Variants in CNGB3 observed in about 807,000 individuals in gnomAD.
CNGB3 encodes cyclic nucleotide-gated channel beta-3.
CNGB3 carries 86 observed loss-of-function variants against 92.8 expected under a neutral mutation model. The observed-to-expected ratio is 0.93, with a 90% CI of 0.78 to 1.11. The LOEUF (loss-of-function observed/expected upper bound fraction) is 1.11. CNGB3 is among the 50% of genes least tolerant of loss of function. CNGB3 has a pLI of 0.00. For missense variants in CNGB3, 1,026 were observed against 956.8 expected, an observed-to-expected ratio of 1.07 and a Z score of -0.95; for synonymous variants, 333 against 332.7, an observed-to-expected ratio of 1.00 and a Z score of -0.01.
At chr8:86,668,634 A>C (rs187885520) in intron 4 of CNGB3, among the ~76,000 whole-genome samples, 60 of 152,192 alleles carry the variant, frequency 3.9e-4, no homozygotes, top group Admixed American at 3.7e-3. Flanking sequence ...AAAATACGTC[A>C]ATGTAAAAAA....
intron 15 of CNGB3, among the ~76,000 whole-genome samples, chr8:86,599,385 G>A (rs1822243458): frequency 1.3e-5 from 2 of 152,168 alleles, no homozygotes; most frequent in Non-Finnish European, 2.9e-5. Context: ...GAGCTTGTGT[G>A]TTTGAACAAT....
At chr8:86,679,816 G>A (rs992147647) in intron 3 of CNGB3, among the ~76,000 whole-genome samples, 10 of 152,126 alleles carry the variant, frequency 6.6e-5, no homozygotes, top group Admixed American at 2.6e-4. Context: ...ATGAGCCACC[G>A]CGTCTGGCCA....
intron 3 of CNGB3, among the ~76,000 whole-genome samples, chr8:86,674,790 C>T (rs1823932128): frequency 6.6e-6 from 1 of 151,888 alleles, no homozygotes; most frequent in Non-Finnish European, 1.5e-5. Flanking sequence ...TCTTGCTCTG[C>T]TGCCCAGGCT....
chr8:86,619,653 T>C (rs970813736), intron 13 of CNGB3, among the ~76,000 whole-genome samples: 3 of 151,700 alleles, frequency 2.0e-5, no homozygotes, highest in Non-Finnish European at 4.4e-5. Context: ...GAAAAGTGTA[T>C]GTGACTGTAG....
intron 10 of CNGB3, 45 bp from the exon 11 acceptor site, chr8:86,632,938 C>T (rs201537991): frequency 5.9e-6 from 9 of 1,520,268 alleles, no homozygotes; most frequent in Non-Finnish European, 8.2e-6. Context: ...TCTATATCAT[C>T]GAAAGACCAC....
At chr8:86,704,198 T>G (rs984829696) in intron 3 of CNGB3, 2 of 152,212 alleles carry the variant, frequency 1.3e-5, no homozygotes, top group African/African-American at 4.8e-5. Flanking sequence ...GTTATTAAAA[T>G]CATAAAGAAG....
chr8:86,605,508 G>A (rs1174984617), intron 14 of CNGB3, among the ~76,000 whole-genome samples: 1 of 152,108 alleles, frequency 6.6e-6, no homozygotes, highest in East Asian at 1.9e-4. Flanking sequence ...CTTAGGAGGG[G>A]ACTGGGTTAT....
chr8:86,592,341 C>T (rs1822065101), intron 15 of CNGB3, among the ~76,000 whole-genome samples: 1 of 152,206 alleles, frequency 6.6e-6, no homozygotes, highest in African/African-American at 2.4e-5. Flanking sequence ...GGAACTGTTC[C>T]TATTCGGCCA....
intron 15 of CNGB3, among the ~76,000 whole-genome samples, chr8:86,580,526 C>T (rs1821743462): frequency 6.6e-6 from 1 of 152,172 alleles, no homozygotes; most frequent in Admixed American, 6.5e-5. Flanking sequence ...CAACTTGTTC[C>T]TCAGTGTCAT....
chr8:86,714,511 A>C, intron 3 of CNGB3, among the ~76,000 whole-genome samples: 1 of 152,170 alleles, frequency 6.6e-6, no homozygotes, highest in East Asian at 1.9e-4. Context: ...GGGATTGTGG[A>C]GAAGATGGGA....
intron 7 of CNGB3, among the ~76,000 whole-genome samples, chr8:86,649,060 C>T (rs1384950539): frequency 2.0e-5 from 3 of 151,352 alleles, no homozygotes; most frequent in African/African-American, 4.8e-5. Flanking sequence ...AATCCCTTTA[C>T]AACAACTGTA....
intron 7 of CNGB3, among the ~76,000 whole-genome samples, chr8:86,650,390 T>C (rs1823378950): frequency 6.6e-6 from 1 of 151,646 alleles, no homozygotes; most frequent in African/African-American, 2.4e-5. Flanking sequence ...ACTGGGTATC[T>C]ACCAAAAGGA....
At chr8:86,661,616 A>T in intron 6 of CNGB3, 1 of 806,960 alleles carries the variant, frequency 1.2e-6, no homozygotes, top group Non-Finnish European at 2.2e-6. Context: ...CCCACTAATA[A>T]GTTCTTCTTT....
intron 3 of CNGB3, among the ~76,000 whole-genome samples, chr8:86,698,889 T>C (rs1360707865): frequency 6.6e-6 from 1 of 152,210 alleles, no homozygotes; most frequent in African/African-American, 2.4e-5. Flanking sequence ...AGTTTATAAC[T>C]AAGGCAATGA....
In CNGB3 at chr8:86,676,991, T is replaced by A. The variant is rs534977911; in HGVS notation, c.339-5893A>T. 2.3e-4 allele frequency among the ~76,000 whole-genome samples: 35 copies of A among 152,216 alleles called. No individual in the cohort carries two copies. In the South Asian group the frequency reaches 2.9e-3, roughly 13 times the overall value. ...AAATCAGAACAGTATGAATTTTTTT[T>A]AAAAAAGCCTAGTTGAAGACAGAGA... On this transcript the variant is annotated intron_variant, in intron 3 of 17. Transcript: ENST00000320005.
At chr8:86,719,361 T>A (rs1824922712) in intron 3 of CNGB3, among the ~76,000 whole-genome samples, 1 of 152,154 alleles carries the variant, frequency 6.6e-6, no homozygotes, top group Non-Finnish European at 1.5e-5. Context: ...TCAGTAGCTC[T>A]GCTATACACC....
intron 3 of CNGB3, among the ~76,000 whole-genome samples, chr8:86,719,548 A>G (rs953271060): frequency 1.8e-4 from 27 of 152,238 alleles, no homozygotes; most frequent in African/African-American, 6.3e-4. Flanking sequence ...AACAAATCCC[A>G]TTGTGTAAAT....
chr8:86,644,234 A>G (rs1175534664), intron 9 of CNGB3, among the ~76,000 whole-genome samples: 2 of 151,428 alleles, frequency 1.3e-5, no homozygotes, highest in Admixed American at 1.3e-4. Context: ...ATGAGACTTT[A>G]TGCTACGATG....
intron 2 of CNGB3, among the ~76,000 whole-genome samples, chr8:86,738,856 A>AG (rs1825291635): frequency 6.7e-6 from 1 of 150,306 alleles, no homozygotes; most frequent in African/African-American, 2.5e-5. Flanking sequence ...AAAAAAAAAA[A>AG]GGGAAGTGGG....
Sources: allele counts gnomAD v4.1 joint callset (sites outside exome capture counted in the v4.1 genomes callset), GRCh38; gene constraint gnomAD v4.1.1; transcripts MANE v1.5; gene names NCBI Gene and HGNC (gene_info 2026-07-23, HGNC 2026-07-21).